Variants in ATP2C2 observed in about 807,000 individuals in gnomAD.
The protein encoded by ATP2C2 is calcium-transporting ATPase type 2C member 2.
In ATP2C2, 171 loss-of-function variants were observed where a neutral mutation model predicts 110.8. The observed-to-expected ratio is 1.54, with a 90% confidence interval of 1.36 to 1.75. The LOEUF is 1.75. Ranked by LOEUF, ATP2C2 falls within the 40% of genes most tolerant of loss-of-function variation. The pLI is 0.00. For synonymous variants in ATP2C2, 804 were observed against 508.4 expected, an observed-to-expected ratio of 1.58 and a Z score of -7.82; for missense variants, 1,963 against 1,235.0, an observed-to-expected ratio of 1.59 and a Z score of -8.84.
chr16:84,392,863 C>T (rs764035859), intron 1 of ATP2C2, among the ~76,000 whole-genome samples: 72 of 152,262 alleles, frequency 4.7e-4, no homozygotes, highest in Middle Eastern at 6.8e-3. Context: ...TGTCATTCAA[C>T]GTGTCTATTA....
chr16:84,412,213 A>G (rs1906377879), intron 6 of ATP2C2, among the ~76,000 whole-genome samples: 1 of 152,134 alleles, frequency 6.6e-6, no homozygotes, highest in Non-Finnish European at 1.5e-5. Context: ...TACAAAAGTT[A>G]CTGCATTTTT....
At chr16:84,418,787 C>G (rs1030198392) in intron 7 of ATP2C2, among the ~76,000 whole-genome samples, 1 of 152,222 alleles carries the variant, frequency 6.6e-6, no homozygotes, top group African/African-American at 2.4e-5. Flanking sequence ...TGAGTTTCCT[C>G]CATGTATCCG....
At chr16:84,436,803 C>A (rs559143257) in intron 11 of ATP2C2, among the ~76,000 whole-genome samples, 2 of 128,122 alleles carry the variant, frequency 1.6e-5, no homozygotes, top group East Asian at 5.1e-4. Flanking sequence ...ACTCTTGTTG[C>A]CCAGGCTGGA....
intron 7 of ATP2C2, among the ~76,000 whole-genome samples, chr16:84,421,922 A>G (rs1000718742): frequency 6.6e-6 from 1 of 151,920 alleles, no homozygotes; most frequent in African/African-American, 2.4e-5. Context: ...TCCCTTTGCC[A>G]GGGTGTGTGA....
chr16:84,388,934 G>A (rs1014233760), intron 1 of ATP2C2, among the ~76,000 whole-genome samples: 3 of 151,964 alleles, frequency 2.0e-5, no homozygotes, highest in Non-Finnish European at 1.5e-5. Flanking sequence ...ACCATGCTCG[G>A]CTAATTTTTG....
chr16:84,389,404 C>T (rs974016273), intron 1 of ATP2C2, among the ~76,000 whole-genome samples: 11 of 152,234 alleles, frequency 7.2e-5, no homozygotes, highest in African/African-American at 1.9e-4. Flanking sequence ...GAGCATCTCT[C>T]GGCTTGTTCA....
intron 10 of ATP2C2, 62 bp downstream of exon 10, chr16:84,423,325 G>A (rs575030499): frequency 3.4e-6 from 5 of 1,489,384 alleles, no homozygotes; most frequent in Non-Finnish European, 4.7e-6. Flanking sequence ...ATCATAGGGG[G>A]GTTGCCATGG....
intron 6 of ATP2C2, among the ~76,000 whole-genome samples, chr16:84,415,138 G>T (rs1180060809): frequency 1.3e-5 from 2 of 152,114 alleles, no homozygotes; most frequent in Non-Finnish European, 2.9e-5. Flanking sequence ...CCTGAGTGCT[G>T]TGTGCTCTGA....
chr16:84,449,456 G>C (rs569309163), intron 17 of ATP2C2, among the ~76,000 whole-genome samples: 1 of 152,208 alleles, frequency 6.6e-6, no homozygotes, highest in East Asian at 1.9e-4. Flanking sequence ...GTCTACAATA[G>C]GCTTACAGGT....
At chr16:84,459,601 G>A (rs767892951) in intron 23 of ATP2C2, 3 of 1,534,386 alleles carry the variant, frequency 2.0e-6, no homozygotes, top group East Asian at 2.4e-5. Context: ...GGGTGAGGAT[G>A]GAACTTTCTG....
chr16:84,462,404 G>A, intron 26 of ATP2C2: 1 of 370,494 alleles, frequency 2.7e-6, no homozygotes, highest in Admixed American at 3.8e-5. Context: ...CGTCGGGCTG[G>A]AGGCTCAGAG....
intron 11 of ATP2C2, among the ~76,000 whole-genome samples, chr16:84,436,515 C>G (rs1212026151): frequency 6.6e-6 from 1 of 152,180 alleles, no homozygotes; most frequent in East Asian, 1.9e-4. Flanking sequence ...CAGTGGCCCC[C>G]TTCTCCCAGG....
intron 21 of ATP2C2, 99 bp downstream of exon 21, chr16:84,455,083 G>T (rs982175148): frequency 1.4e-6 from 2 of 1,429,370 alleles, no homozygotes; most frequent in Non-Finnish European, 1.9e-6. Flanking sequence ...GGGGGGTCTC[G>T]CGGAGTCCCC....
chr16:84,393,142 G>T (rs577025072), intron 1 of ATP2C2, among the ~76,000 whole-genome samples: 33 of 152,298 alleles, frequency 2.2e-4, no homozygotes, highest in Admixed American at 3.9e-4. Context: ...AGGGATGGGG[G>T]CCGTACCAGA....
intron 1 of ATP2C2, among the ~76,000 whole-genome samples, chr16:84,373,895 G>C (rs1043667933): frequency 2.0e-5 from 3 of 152,172 alleles, no homozygotes; most frequent in Non-Finnish European, 2.9e-5. Flanking sequence ...CTGCTAATGT[G>C]TGTATGTACA....
intron 1 of ATP2C2, among the ~76,000 whole-genome samples, chr16:84,389,792 C>T (rs1053901898): frequency 4.0e-5 from 6 of 151,030 alleles, no homozygotes; most frequent in Admixed American, 6.6e-5. Context: ...GCTATCTCCG[C>T]TCACTTCAAC....
rs748758130 is a variant in ATP2C2, at chr16:84,425,737, C to T, written c.922C>T (p.Leu308Phe). 6.2e-7 allele frequency: 1 copy of T among 1,614,098 alleles called. No homozygotes were observed. Among genetic ancestry groups the T allele is most frequent in the Non-Finnish European group, 8.5e-7 (1 of 1,179,998 alleles). The change falls in exon 11 of 27, where the codon CTC (leucine) becomes TTC (phenylalanine). Residue 308 changes from leucine (L) to phenylalanine (F), a missense_variant and splice_region_variant. Physicochemically the swap from Leu to Phe is conservative, Grantham distance 22 (BLOSUM62 0). Transcript: ENST00000262429. ...GGATGTTTTTGTCTCTTCCCCAGGTCTCATCATGCTCATTGGCTGGTCGCA... is the reference window on the plus strand; with the variant it reads ...GGATGTTTTTGTCTCTTCCCCAGGTTTCATCATGCTCATTGGCTGGTCGCA... The part of the protein sequence containing the change: ...LTLFSFGIIG[L>F]IMLIGWSQGK...
chr16:84,440,524 T>C (rs1909148017), intron 13 of ATP2C2, among the ~76,000 whole-genome samples: 1 of 152,220 alleles, frequency 6.6e-6, no homozygotes. Flanking sequence ...AAAGGTGGTA[T>C]GGGCTGCAAA....
At chr16:84,441,049 C>T in intron 14 of ATP2C2, 91 bp downstream of exon 14, 2 of 1,135,550 alleles carry the variant, frequency 1.8e-6, no homozygotes, top group Non-Finnish European at 1.3e-6. Flanking sequence ...ATTGAACCTA[C>T]TGGTTCTTGA....
Sources: allele counts gnomAD v4.1 joint callset (sites outside exome capture counted in the v4.1 genomes callset), GRCh38; gene constraint gnomAD v4.1.1; transcripts MANE v1.5; gene names NCBI Gene and HGNC (gene_info 2026-07-23, HGNC 2026-07-21).